The following RBMS1 variants were observed in gnomAD, a reference collection of about 807,000 sequenced individuals.
RBMS1 encodes the protein RNA-binding motif, single-stranded-interacting protein 1.
RBMS1 carries 17 observed loss-of-function variants against 62.3 expected under a neutral mutation model. The observed-to-expected ratio is 0.27, with a 90% confidence interval of 0.19 to 0.41. The LOEUF (loss-of-function observed/expected upper bound fraction) is 0.41, where lower values mean the gene tolerates loss of function less well. RBMS1 is among the 10% of genes least tolerant of loss of function. The pLI is 1.00. For missense variants in RBMS1, 334 were observed against 504.5 expected (o/e 0.66, Z 3.24); for synonymous variants, 172 against 170.0 (o/e 1.01, Z -0.09).
chr2:160,492,774 C>G (rs1268221502), intron 1 of RBMS1: 3 of 152,784 alleles, frequency 2.0e-5, no homozygotes, highest in Non-Finnish European at 4.4e-5. Flanking sequence ...GAAAATATCC[C>G]GGCCCCGCCG....
At chr2:160,385,801 G>A (rs1559483410) in intron 1 of RBMS1, among the ~76,000 whole-genome samples, 1 of 152,160 alleles carries the variant, frequency 6.6e-6, no homozygotes, top group African/African-American at 2.4e-5. Context: ...ATTATTAGAT[G>A]CAAGGAAGAT....
At chr2:160,288,044 T>TAA (rs11375665) in intron 6 of RBMS1, among the ~76,000 whole-genome samples, 105 of 144,686 alleles carry the variant, frequency 7.3e-4, no homozygotes, top group Admixed American at 1.8e-3. Context: ...TCATTAGAGT[T>TAA]AAAAAAAAAA....
Position 160,367,211 on chromosome 2 carries a change from C to T in RBMS1, c.251+5G>A, listed in dbSNP as rs1463022987. 6.2e-7 allele frequency: 1 copy of T among 1,611,340 alleles called. No individual in the cohort carries two copies. The highest frequency in any genetic ancestry group is 1.1e-5 in the South Asian group (1 of 91,000). ...GCTAAAATAATAGGAACAACTACTA[C>T]TTACGGTTGACAGAGCTTCACCAGG... On this transcript the variant is annotated splice_donor_5th_base_variant and intron_variant, in intron 2 of 13. Coordinates refer to ENST00000348849, the MANE Select transcript of RBMS1 (RefSeq NM_016836.4).
At chr2:160,442,718 G>A (rs1250028522) in intron 1 of RBMS1, among the ~76,000 whole-genome samples, 1 of 152,150 alleles carries the variant, frequency 6.6e-6, no homozygotes, top group Non-Finnish European at 1.5e-5. Context: ...AGAATGAAAT[G>A]TTTCTAAGTG....
chr2:160,364,076 T>C (rs1383804325), intron 2 of RBMS1, among the ~76,000 whole-genome samples: 1 of 152,226 alleles, frequency 6.6e-6, no homozygotes, highest in Non-Finnish European at 1.5e-5. Context: ...AGAGAAATAT[T>C]GCATTGGCAA....
intron 2 of RBMS1, among the ~76,000 whole-genome samples, chr2:160,321,084 G>C (rs1376048401): frequency 2.0e-5 from 3 of 151,970 alleles, no homozygotes; most frequent in Non-Finnish European, 4.4e-5. Context: ...GTTGGCCTTC[G>C]ACACTTCTAG....
At chr2:160,308,618 ATTC>A (rs1461466294) in intron 4 of RBMS1, among the ~76,000 whole-genome samples, 2 of 152,214 alleles carry the variant, frequency 1.3e-5, no homozygotes, top group African/African-American at 4.8e-5. Flanking sequence ...ATCTCAAGTC[ATTC>A]TACAGGGACC....
At chr2:160,452,392 C>G (rs147674715) in intron 1 of RBMS1, among the ~76,000 whole-genome samples, 5,444 of 152,208 alleles carry the variant, frequency 0.036, 136 homozygotes, top group Non-Finnish European at 0.054. Context: ...TATAAAATGA[C>G]AAAGTATTTG....
At chr2:160,420,144 T>G (rs1696365389) in intron 1 of RBMS1, among the ~76,000 whole-genome samples, 1 of 152,172 alleles carries the variant, frequency 6.6e-6, no homozygotes, top group Non-Finnish European at 1.5e-5. Flanking sequence ...CCTCTTTGGC[T>G]GTATCACTCT....
intron 1 of RBMS1, among the ~76,000 whole-genome samples, chr2:160,433,607 A>G (rs897919595): frequency 6.6e-6 from 1 of 152,230 alleles, no homozygotes; most frequent in Non-Finnish European, 1.5e-5. Context: ...CTGGATTTAC[A>G]TACAGTATGT....
intron 5 of RBMS1, among the ~76,000 whole-genome samples, chr2:160,301,674 T>G (rs751248294): frequency 1.3e-5 from 2 of 152,186 alleles, no homozygotes; most frequent in Non-Finnish European, 2.9e-5. Context: ...GACTTACTAC[T>G]CATAGGATGT....
intron 6 of RBMS1, among the ~76,000 whole-genome samples, chr2:160,290,981 CTT>C (rs143839561): frequency 0.1 from 15,189 of 152,216 alleles, 1,028 homozygotes; most frequent in East Asian, 0.26. Flanking sequence ...TCTTCTGAAA[CTT>C]AACTCTACAG....
At chr2:160,407,932 C>A in intron 1 of RBMS1, 1 of 979,882 alleles carries the variant, frequency 1.0e-6, no homozygotes, top group African/African-American at 1.8e-5. Flanking sequence ...GGCGGGGAGG[C>A]GGCAGCGCAC....
At chr2:160,489,853 A>C (rs1465848655) in intron 1 of RBMS1, among the ~76,000 whole-genome samples, 2 of 152,100 alleles carry the variant, frequency 1.3e-5, no homozygotes, top group African/African-American at 4.8e-5. Flanking sequence ...ACTGTCCCAA[A>C]TTGCTTTCAG....
intron 1 of RBMS1, among the ~76,000 whole-genome samples, chr2:160,386,108 T>C (rs1177743284): frequency 6.6e-6 from 1 of 152,278 alleles, no homozygotes; most frequent in East Asian, 1.9e-4. Flanking sequence ...GGTAAAACTA[T>C]GCTAAGGGCG....
In RBMS1 at chr2:160,493,434, C is replaced by T. The variant is rs1173679287; in HGVS notation, c.-71G>A. 11 of 1,475,382 alleles carry T rather than the reference C, an allele frequency of 7.5e-6. No homozygotes were observed. In the African/African-American group the frequency reaches 1.5e-4, roughly 21 times the overall value. 91.4% of individuals were successfully genotyped at this position (1,475,382 alleles called of 1,614,324 possible). ...GTTTCCAAGTCTCGGGCTCTCCTGCCTCTCCCTTTCCGGCGGCGGCGGCAG... is the reference window on the plus strand; with the variant it reads ...GTTTCCAAGTCTCGGGCTCTCCTGCTTCTCCCTTTCCGGCGGCGGCGGCAG... On this transcript the variant is annotated 5_prime_UTR_variant, in exon 1 of 14. Coordinates refer to ENST00000348849, the MANE Select transcript of RBMS1 (RefSeq NM_016836.4).
chr2:160,286,290 T>C (rs572009581), intron 7 of RBMS1, among the ~76,000 whole-genome samples: 1 of 146,468 alleles, frequency 6.8e-6, no homozygotes, highest in Non-Finnish European at 1.5e-5. Flanking sequence ...ACAGAGACCA[T>C]GTTTCTTCCT....
intron 1 of RBMS1, among the ~76,000 whole-genome samples, chr2:160,445,762 G>A (rs190309638): frequency 6.6e-6 from 1 of 152,334 alleles, no homozygotes; most frequent in African/African-American, 2.4e-5. Flanking sequence ...AGGCGGTGAT[G>A]AGAGAAATTC....
chr2:160,308,520 T>G (rs1689676770), intron 4 of RBMS1, among the ~76,000 whole-genome samples: 1 of 152,124 alleles, frequency 6.6e-6, no homozygotes, highest in Non-Finnish European at 1.5e-5. Context: ...AAACTCATGG[T>G]TCTATGGTAT....
Sources: allele counts gnomAD v4.1 joint callset (sites outside exome capture counted in the v4.1 genomes callset), GRCh38; gene constraint gnomAD v4.1.1; transcripts MANE v1.5; gene names NCBI Gene and HGNC (gene_info 2026-07-23, HGNC 2026-07-21).